Variants in CLVS1 observed in about 807,000 individuals in gnomAD.
CLVS1 encodes the protein clavesin-1.
A neutral mutation model predicts 33.1 loss-of-function variants in CLVS1; 10 were observed. The observed-to-expected ratio is 0.30, with a 90% CI of 0.19 to 0.51. CLVS1 has a LOEUF of 0.51. Ranked by LOEUF, CLVS1 falls within the 20% of genes least tolerant of loss-of-function variation. The pLI, the probability that CLVS1 is intolerant of heterozygous loss-of-function variation, is 0.97. For synonymous variants in CLVS1, 163 were observed against 166.1 expected, an observed-to-expected ratio of 0.98 and a Z score of 0.14; for missense variants, 343 against 433.4, an observed-to-expected ratio of 0.79 and a Z score of 1.85.
At chr8:61,028,741 T>C in the CLVS1 span, among the ~76,000 whole-genome samples, 2 of 152,196 alleles carry the variant, frequency 1.3e-5, no homozygotes, top group African/African-American at 4.8e-5. Flanking sequence ...GAAATGCTGA[T>C]GATCCCAAGC....
chr8:61,184,580 G>A (rs141415712), intron 2 of CLVS1, among the ~76,000 whole-genome samples: 2 of 152,318 alleles, frequency 1.3e-5, no homozygotes, highest in African/African-American at 2.4e-5. Context: ...GCACTAGACT[G>A]TCTTCACTGG....
At chr8:61,416,474 C>T (rs1048442408) in intron 3 of CLVS1, among the ~76,000 whole-genome samples, 2 of 152,176 alleles carry the variant, frequency 1.3e-5, no homozygotes, top group South Asian at 4.1e-4. Context: ...TCTATTTTTG[C>T]TGTCTTGCAA....
At chr8:61,254,949 C>A (rs970297110) in intron 2 of CLVS1, among the ~76,000 whole-genome samples, 1 of 152,328 alleles carries the variant, frequency 6.6e-6, no homozygotes, top group South Asian at 2.1e-4. Context: ...GTGAGATGCA[C>A]CCAGTACCTC....
At chr8:61,051,662 G>T in the CLVS1 span, among the ~76,000 whole-genome samples, 1 of 152,256 alleles carries the variant, frequency 6.6e-6, no homozygotes, top group Non-Finnish European at 1.5e-5. Flanking sequence ...GCAGCAGTTT[G>T]CCTGCCTCTG....
At chr8:61,453,238 A>G (rs1349299824) in intron 3 of CLVS1, among the ~76,000 whole-genome samples, 3 of 152,044 alleles carry the variant, frequency 2.0e-5, no homozygotes, top group African/African-American at 7.2e-5. Context: ...TGCTGAAGCC[A>G]TTCATTGGGA....
intron 2 of CLVS1, among the ~76,000 whole-genome samples, chr8:61,182,276 G>A (rs1242608416): frequency 6.6e-6 from 1 of 152,156 alleles, no homozygotes; most frequent in Non-Finnish European, 1.5e-5. Flanking sequence ...CATGGGCAAA[G>A]ATTTCATGAT....
At chr8:61,321,260 T>A (rs1811185513) in intron 2 of CLVS1, among the ~76,000 whole-genome samples, 1 of 152,088 alleles carries the variant, frequency 6.6e-6, no homozygotes, top group African/African-American at 2.4e-5. Flanking sequence ...AAGGGTGAGC[T>A]GATGGGGCAC....
chr8:61,364,398 C>G (rs1263331069), intron 2 of CLVS1, among the ~76,000 whole-genome samples: 1 of 152,104 alleles, frequency 6.6e-6, no homozygotes, highest in Non-Finnish European at 1.5e-5. Flanking sequence ...AGGATGATAC[C>G]CACATAGAAG....
chr8:61,052,171 A>C (rs554944287), upstream of CLVS1, among the ~76,000 whole-genome samples: 68 of 152,364 alleles, frequency 4.5e-4, no homozygotes, highest in African/African-American at 1.5e-3. Flanking sequence ...AGTCATTGCA[A>C]GCTATCCTTA....
chr8:61,364,381 C>G (rs1813105912), intron 2 of CLVS1, among the ~76,000 whole-genome samples: 1 of 152,198 alleles, frequency 6.6e-6, no homozygotes, highest in South Asian at 2.1e-4. Flanking sequence ...GGAAGATAAA[C>G]TGTTGAAGGA....
chr8:60,974,155 C>T, the CLVS1 span, among the ~76,000 whole-genome samples: 1 of 152,136 alleles, frequency 6.6e-6, no homozygotes, highest in East Asian at 1.9e-4. Context: ...TGTTGGAAGG[C>T]AGTTTTCCCT....
chr8:61,181,682 C>T (rs1807233797), intron 2 of CLVS1, among the ~76,000 whole-genome samples: 1 of 147,036 alleles, frequency 6.8e-6, no homozygotes. Context: ...TACCACACAT[C>T]TACAACCATC....
chr8:61,122,489 T>A (rs1472203066), intron 1 of CLVS1, among the ~76,000 whole-genome samples: 1 of 151,926 alleles, frequency 6.6e-6, no homozygotes, highest in Non-Finnish European at 1.5e-5. Flanking sequence ...CAATCTCAGC[T>A]TTTGGCTCAC....
chr8:61,326,906 T>C (rs1361530664), intron 2 of CLVS1, among the ~76,000 whole-genome samples: 1 of 152,178 alleles, frequency 6.6e-6, no homozygotes, highest in African/African-American at 2.4e-5. Context: ...ATTATAAATG[T>C]AGCCAGAAAA....
intron 3 of CLVS1, among the ~76,000 whole-genome samples, chr8:61,427,960 G>T (rs73685009): frequency 0.014 from 2,197 of 152,140 alleles, 56 homozygotes; most frequent in African/African-American, 0.051. Context: ...ACACACACAC[G>T]ATATGCACCA....
intron 1 of CLVS1, among the ~76,000 whole-genome samples, chr8:61,063,261 G>A (rs896828360): frequency 3.6e-5 from 2 of 55,222 alleles, no homozygotes; most frequent in Non-Finnish European, 6.6e-5. Flanking sequence ...GTGAGGAAGC[G>A]AGAGAGAGAG....
At chr8:61,128,474 TTTTC>T (rs1444750023) in intron 1 of CLVS1, among the ~76,000 whole-genome samples, 1 of 152,212 alleles carries the variant, frequency 6.6e-6, no homozygotes, top group East Asian at 1.9e-4. Context: ...CTTTACATCT[TTTTC>T]TTTCTAACAA....
chr8:61,026,599 C>A, the CLVS1 span, among the ~76,000 whole-genome samples: 15 of 152,210 alleles, frequency 9.9e-5, no homozygotes, highest in Admixed American at 8.5e-4. Flanking sequence ...CCCTGCCCAA[C>A]TTAGCTGCTG....
intron 5 of CLVS1, among the ~76,000 whole-genome samples, chr8:61,468,931 C>G (rs1218807852): frequency 1.3e-5 from 2 of 152,108 alleles, no homozygotes. Flanking sequence ...CTGAATGGAG[C>G]GATACCACAC....
Sources: allele counts gnomAD v4.1 joint callset (sites outside exome capture counted in the v4.1 genomes callset), GRCh38; gene constraint gnomAD v4.1.1; transcripts MANE v1.5; gene names NCBI Gene and HGNC (gene_info 2026-07-23, HGNC 2026-07-21).